TMEM141: variants seen among roughly 807,000 people sequenced by gnomAD.
TMEM141 encodes the protein transmembrane protein 141.
In TMEM141, 18 loss-of-function variants were observed where a neutral mutation model predicts 15.9. That is an observed-to-expected ratio of 1.13 (90% confidence interval 0.78 to 1.68). TMEM141 has a LOEUF of 1.68. Ranked by LOEUF, TMEM141 falls within the 40% of genes most tolerant of loss-of-function variation. The probability of loss-of-function intolerance (pLI) is 0.00; values close to 1 mark genes in which losing one functional copy is unlikely to be tolerated. For synonymous variants in TMEM141, 69 were observed against 54.0 expected (o/e 1.28, Z -1.22); for missense variants, 161 against 139.5 (o/e 1.15, Z -0.78).
Position 136,792,931 on chromosome 9 carries a change from G to A in TMEM141, c.*99G>A. Reference sequence around the variant, plus strand: ...CAGGCCGACCCTCCCCACACCCTAGGGTACCCCAGTCGTATCCTCTGTCCG... The same window carrying A: ...CAGGCCGACCCTCCCCACACCCTAGAGTACCCCAGTCGTATCCTCTGTCCG... On this transcript the variant is annotated 3_prime_UTR_variant, in exon 5 of 5. Transcript: ENST00000290079. The A allele has an allele frequency of 7.2e-7, 1 of 1,394,236 alleles. No individual in the cohort carries two copies. The highest frequency in any genetic ancestry group is 1.5e-5 in the African/African-American group (1 of 68,156). The allele number at this position is 1,394,236 out of a possible 1,614,324, so 86.4% of individuals were successfully genotyped here.
At position 136,791,770 on chromosome 9, in the gene TMEM141, C is replaced by A; in HGVS notation, c.114C>A (p.Phe38Leu). The change falls in exon 2 of 5, where the codon TTC becomes TTA. Residue 38 changes from phenylalanine to leucine, a missense_variant. Physicochemically the swap from Phe to Leu is conservative, Grantham distance 22 (BLOSUM62 0). Transcript: ENST00000290079. ...SHAFMKGVFT[F>L]VTGTGMAFGL... ...CCTTCATGAAGGGCGTTTTCACCTTCGTCACAGGTAGGCTGCGTCCAGGTG... is the reference window on the plus strand; with the variant it reads ...CCTTCATGAAGGGCGTTTTCACCTTAGTCACAGGTAGGCTGCGTCCAGGTG... 6.2e-7 allele frequency: 1 copy of A among 1,613,572 alleles called. No individual in the cohort carries two copies. Among genetic ancestry groups the A allele is most frequent in the South Asian group, 1.1e-5 (1 of 91,082 alleles).
intron 4 of TMEM141, 120 bp from the exon 5 acceptor site, chr9:136,792,699 C>T (rs1209336957): frequency 2.1e-5 from 16 of 770,682 alleles, no homozygotes; most frequent in African/African-American, 3.5e-5. Flanking sequence ...GGACCCAGGC[C>T]TGGCCTCCAC....
intron 4 of TMEM141, 115 bp from the exon 5 acceptor site, chr9:136,792,704 C>T: frequency 1.2e-6 from 1 of 805,334 alleles, no homozygotes; most frequent in Non-Finnish European, 2.0e-6. Context: ...CAGGCCTGGC[C>T]TCCACTGCCC....
chr9:136,791,617 C>A, intron 1 of TMEM141, 94 bp from the exon 2 acceptor site: 1 of 1,577,734 alleles, frequency 6.3e-7, no homozygotes, highest in Admixed American at 1.7e-5. Context: ...GGGTCTCACT[C>A]CTCCACAGCC....
At position 136,791,362 on chromosome 9, in the gene TMEM141, C is replaced by T; in HGVS notation, c.-9C>T. The T allele has an allele frequency of 1.9e-6, 3 of 1,557,792 alleles. No individual in the cohort carries two copies. Among genetic ancestry groups the T allele is most frequent in the Non-Finnish European group, 2.6e-6 (3 of 1,151,124 alleles). The stretch of plus-strand genomic sequence containing the variant: ...CCTGCGCAGGCCCGCTCCCCGAGCC[C>T]TGCCAACCATGGTGAACTTGGGTCT... On this transcript the variant is annotated 5_prime_UTR_variant, in exon 1 of 5. Coordinates refer to ENST00000290079, the MANE Select transcript of TMEM141 (RefSeq NM_032928.4).
rs1000299613 is a variant in TMEM141, at chr9:136,793,138, G to A, written c.*306G>A. 2 of 231,912 alleles carry A rather than the reference G, an allele frequency of 8.6e-6. No homozygotes were observed. The highest frequency in any genetic ancestry group is 8.4e-6 in the Non-Finnish European group (1 of 119,490). The allele number at this position is 231,912 out of a possible 1,614,324, so 14.4% of individuals were successfully genotyped here. On this transcript the variant is annotated 3_prime_UTR_variant, in exon 5 of 5. Coordinates refer to ENST00000290079, the MANE Select transcript of TMEM141 (RefSeq NM_032928.4). ...CTGGGGGCCACCACCTATGGGACAC[G>A]GGGTCGAAGGGGCCTGTACACTCTG...
At chr9:136,792,216 G>T in intron 3 of TMEM141, 35 bp from the exon 4 acceptor site, 1 of 1,546,992 alleles carries the variant, frequency 6.5e-7, no homozygotes, top group South Asian at 1.2e-5. Context: ...GGGAAGCACA[G>T]AGGCCCCAGC....
intron 4 of TMEM141, 56 bp from the exon 5 acceptor site, chr9:136,792,762 AG>A (rs1847603870): frequency 7.3e-7 from 1 of 1,363,346 alleles, no homozygotes; most frequent in Admixed American, 2.2e-5. Flanking sequence ...AAATGGGCAC[AG>A]GGATGCCCAG....
In TMEM141 at chr9:136,792,869, GA is replaced by G; in HGVS notation, c.*38del. 6.6e-7 allele frequency: 1 copy of G among 1,523,638 alleles called. No homozygotes were observed. Among genetic ancestry groups the G allele is most frequent in the Non-Finnish European group, 8.8e-7 (1 of 1,134,618 alleles). The allele number at this position is 1,523,638 out of a possible 1,614,324, so 94.4% of individuals were successfully genotyped here. ...CAGGGGCACAGAGGATTGGGGGCAGGAGGAGTCTGGAACACAGCCTTCATGC... is the reference window on the plus strand; with the variant it reads ...CAGGGGCACAGAGGATTGGGGGCAGGGGAGTCTGGAACACAGCCTTCATGC... On this transcript the variant is annotated 3_prime_UTR_variant, in exon 5 of 5. Coordinates refer to ENST00000290079, the MANE Select transcript of TMEM141 (RefSeq NM_032928.4).
At position 136,793,056 on chromosome 9, in the gene TMEM141, G is replaced by A; in HGVS notation, c.*224G>A. 1 of 426,238 alleles carries A rather than the reference G, an allele frequency of 2.3e-6. No individual in the cohort carries two copies. The highest frequency in any genetic ancestry group is 3.8e-6 in the Non-Finnish European group (1 of 261,750). The allele number at this position is 426,238 out of a possible 1,614,324, so 26.4% of individuals were successfully genotyped here. On this transcript the variant is annotated 3_prime_UTR_variant, in exon 5 of 5. Coordinates refer to ENST00000290079, the MANE Select transcript of TMEM141 (RefSeq NM_032928.4). ...CAGAAAGGGCTCTCCCTGGGGTGGT[G>A]TTTCTCCTCTAGGGTATTGGGATGC...
intron 4 of TMEM141, 71 bp downstream of exon 4, chr9:136,792,429 C>A: frequency 1.6e-6 from 2 of 1,258,358 alleles, no homozygotes; most frequent in South Asian, 1.3e-5. Flanking sequence ...GGCAGCCAAG[C>A]CTGGGTGCAC....
Position 136,791,359 on chromosome 9 carries a change from G to A in TMEM141, c.-12G>A. ...GCGCCTGCGCAGGCCCGCTCCCCGAGCCCTGCCAACCATGGTGAACTTGGG... is the reference window on the plus strand; with the variant it reads ...GCGCCTGCGCAGGCCCGCTCCCCGAACCCTGCCAACCATGGTGAACTTGGG... On this transcript the variant is annotated 5_prime_UTR_variant, in exon 1 of 5. Transcript: ENST00000290079. The A allele has an allele frequency of 1.3e-6, 2 of 1,556,614 alleles. No homozygotes were observed. The highest frequency in any genetic ancestry group is 1.7e-6 in the Non-Finnish European group (2 of 1,150,492).
rs769761546 is a variant in TMEM141 at position 136,791,435 on chromosome 9, C to T, written c.54+11C>T. On this transcript the variant is annotated intron_variant, in intron 1 of 4. Coordinates refer to ENST00000290079, the MANE Select transcript of TMEM141 (RefSeq NM_032928.4). Reference sequence around the variant, plus strand: ...GCTGCCAAGCACCCGGTGAGAAGGCCGGTCTGGGACGCGGGCCTCAAACCC... The same window carrying T: ...GCTGCCAAGCACCCGGTGAGAAGGCTGGTCTGGGACGCGGGCCTCAAACCC... 2.6e-6 allele frequency: 4 copies of T among 1,552,962 alleles called. No homozygotes were observed. Among genetic ancestry groups the T allele is most frequent in the Non-Finnish European group, 3.5e-6 (4 of 1,148,392 alleles).
rs555297150 is a variant in TMEM141, at chr9:136,791,718, G to A, written c.62G>A (p.Gly21Glu). The change falls in exon 2 of 5, where the codon GGG becomes GAG. Residue 21 changes from glycine to glutamate, a missense_variant. Gly to Glu is a moderately conservative substitution (Grantham distance 98). Coordinates refer to ENST00000290079, the MANE Select transcript of TMEM141 (RefSeq NM_032928.4). ...CCGCCTCTGCCACCCCAGGGACTCGGGGAGTATGCCGCATGCCAGTCACAC... is the reference window on the plus strand; with the variant it reads ...CCGCCTCTGCCACCCCAGGGACTCGAGGAGTATGCCGCATGCCAGTCACAC... ...DAVAAKHPGL[G>E]EYAACQSHAF... 1 of 1,613,272 alleles carries A rather than the reference G, an allele frequency of 6.2e-7. No homozygotes were observed. The highest frequency in any genetic ancestry group is 1.1e-5 in the South Asian group (1 of 91,070).
Position 136,791,370 on chromosome 9 carries a change from C to A in TMEM141, c.-1C>A, listed in dbSNP as rs879703193. 3 of 1,560,536 alleles carry A rather than the reference C, an allele frequency of 1.9e-6. No homozygotes were observed. The highest frequency in any genetic ancestry group is 8.7e-7 in the Non-Finnish European group (1 of 1,152,716). On this transcript the variant is annotated 5_prime_UTR_variant, in exon 1 of 5. Coordinates refer to ENST00000290079, the MANE Select transcript of TMEM141 (RefSeq NM_032928.4). ...GGCCCGCTCCCCGAGCCCTGCCAAC[C>A]ATGGTGAACTTGGGTCTGTCCCGGG...
rs759834328 is a variant in TMEM141 at position 136,791,786 on chromosome 9, C to A, written c.121+9C>A. On this transcript the variant is annotated intron_variant, in intron 2 of 4. Transcript: ENST00000290079. The stretch of plus-strand genomic sequence containing the variant: ...TTTCACCTTCGTCACAGGTAGGCTG[C>A]GTCCAGGTGTCCTGCGGCTGGGAGA... 2 of 1,612,608 alleles carry A rather than the reference C, an allele frequency of 1.2e-6. No individual in the cohort carries two copies. The highest frequency in any genetic ancestry group is 4.5e-5 in the East Asian group (2 of 44,862).
Position 136,792,316 on chromosome 9 carries a change from C to A in TMEM141, c.271C>A (p.Leu91Ile). The change falls in exon 4 of 5, where the codon CTC (leucine) becomes ATC (isoleucine). Residue 91 changes from leucine to isoleucine, a missense_variant. Coordinates refer to ENST00000290079, the MANE Select transcript of TMEM141 (RefSeq NM_032928.4). ...GTCGGAGAAATGCAACAACCTCTGGCTCTTCCTGGAGACCGGGCAGCTCCC... is the reference window on the plus strand; with the variant it reads ...GTCGGAGAAATGCAACAACCTCTGGATCTTCCTGGAGACCGGGCAGCTCCC... Reference protein sequence around the residue: ...VESEKCNNLWLFLETGQLPKD... With the variant: ...VESEKCNNLWIFLETGQLPKD... The A allele has an allele frequency of 1.9e-6, 3 of 1,588,094 alleles. No homozygotes were observed. The highest frequency in any genetic ancestry group is 1.7e-6 in the Non-Finnish European group (2 of 1,166,840).
In TMEM141 at chr9:136,792,929, AGG is replaced by A; in HGVS notation, c.*99_*100del. 1 of 1,395,534 alleles carries A rather than the reference AGG, an allele frequency of 7.2e-7. No homozygotes were observed. The highest frequency in any genetic ancestry group is 2.0e-4 in the Middle Eastern group (1 of 5,106). The allele number at this position is 1,395,534 out of a possible 1,614,324, so 86.4% of individuals were successfully genotyped here. A position where few individuals can be genotyped will look rare whatever the true frequency, so the allele number is the denominator to read the frequency against. ...CCCAGGCCGACCCTCCCCACACCCT[AGG>A]GTACCCCAGTCGTATCCTCTGTCCG... On this transcript the variant is annotated 3_prime_UTR_variant, in exon 5 of 5. Coordinates refer to ENST00000290079, the MANE Select transcript of TMEM141 (RefSeq NM_032928.4).
At chr9:136,791,584 G>A (rs1015582314) in intron 1 of TMEM141, 127 bp from the exon 2 acceptor site, 3 of 1,566,738 alleles carry the variant, frequency 1.9e-6, no homozygotes, top group African/African-American at 2.7e-5. Flanking sequence ...GCATAGGGGA[G>A]GTGGGACGTG....
Sources: gnomAD v4.1 joint callset for allele counts on GRCh38, gnomAD v4.1.1 for gene constraint, MANE v1.5 for transcripts, NCBI Gene and HGNC (gene_info 2026-07-23, HGNC 2026-07-21) for gene names.